NDUFA10: variants seen among roughly 807,000 people sequenced by gnomAD.
NDUFA10 encodes NADH dehydrogenase [ubiquinone] 1 alpha subcomplex subunit 10, mitochondrial.
A neutral mutation model predicts 47.8 loss-of-function variants in NDUFA10; 40 were observed. The ratio of observed to expected loss-of-function variants is 0.84; its 90% CI spans 0.65 to 1.09. NDUFA10 has a LOEUF of 1.09. Among genes scored for constraint, NDUFA10 ranks in the 50% least tolerant of loss-of-function variants. NDUFA10 has a pLI of 0.00. For missense variants in NDUFA10, 413 were observed against 451.1 expected, an observed-to-expected ratio of 0.92 and a Z score of 0.76; for synonymous variants, 183 against 172.2, an observed-to-expected ratio of 1.06 and a Z score of -0.49.
chr2:239,968,286 G>A (rs1695165632), intron 9 of NDUFA10, among the ~76,000 whole-genome samples: 1 of 152,208 alleles, frequency 6.6e-6, no homozygotes, highest in Admixed American at 6.5e-5. Context: ...GGAGGAGGCA[G>A]CAAATGCACG....
chr2:239,929,817 T>C (rs1320455348), intron 4 of NDUFA10, among the ~76,000 whole-genome samples: 1 of 123,126 alleles, frequency 8.1e-6, no homozygotes, highest in African/African-American at 3.2e-5. Flanking sequence ...GCTCCTCCAC[T>C]GCTCTTGCTC....
chr2:239,959,219 C>A lies in NDUFA10; in HGVS notation c.*1899G>T, dbSNP rs1162071659. 4 of 949,038 alleles carry A rather than the reference C, an allele frequency of 4.2e-6. No homozygotes were observed. Among genetic ancestry groups the A allele is most frequent in the Non-Finnish European group, 4.9e-6 (4 of 809,106 alleles). The allele number at this position is 949,038 out of a possible 1,614,324, so 58.8% of individuals were successfully genotyped here. A position where few individuals can be genotyped will look rare whatever the true frequency, so the allele number is the denominator to read the frequency against. ...ACGCAAACACAGGGGATGATCAGAG[C>A]ACCCGAGTCCACACCATGCCGACAC... On this transcript the variant is annotated 3_prime_UTR_variant, in exon 10 of 10. Transcript: ENST00000252711.
At chr2:239,938,003 A>G (rs548017541) in intron 4 of NDUFA10, among the ~76,000 whole-genome samples, 1 of 151,950 alleles carries the variant, frequency 6.6e-6, no homozygotes, top group African/African-American at 2.4e-5. Context: ...AGCCGCAAAT[A>G]CTCACTGCTG....
In NDUFA10 at chr2:239,960,480, T is replaced by A; in HGVS notation, c.*638A>T. On this transcript the variant is annotated 3_prime_UTR_variant, in exon 10 of 10. Transcript: ENST00000252711. Reference sequence around the variant, plus strand: ...CGCTGAGGACGGCCACGTGAATCTTTCTCAACGTCTCTCTTAAAACATATT... The same window carrying A: ...CGCTGAGGACGGCCACGTGAATCTTACTCAACGTCTCTCTTAAAACATATT... The A allele has an allele frequency of 1.0e-6, 1 of 990,550 alleles. No homozygotes were observed. Among genetic ancestry groups the A allele is most frequent in the South Asian group, 4.6e-5 (1 of 21,796 alleles). 61.4% of individuals were successfully genotyped at this position (990,550 alleles called of 1,614,324 possible).
At chr2:239,952,153 G>A (rs771695244) in intron 4 of NDUFA10, among the ~76,000 whole-genome samples, 3 of 152,026 alleles carry the variant, frequency 2.0e-5, no homozygotes, top group Admixed American at 6.5e-5. Flanking sequence ...GCCTGGCTGC[G>A]TCCTGGAATG....
intron 8 of NDUFA10, among the ~76,000 whole-genome samples, chr2:239,997,188 G>C (rs1413217916): frequency 6.6e-6 from 1 of 152,010 alleles, no homozygotes; most frequent in Non-Finnish European, 1.5e-5. Context: ...AAGTCAATAA[G>C]CTTAGGAATC....
chr2:239,926,194 A>G (rs1028207790), intron 4 of NDUFA10, among the ~76,000 whole-genome samples: 4 of 152,254 alleles, frequency 2.6e-5, no homozygotes, highest in African/African-American at 9.6e-5. Context: ...TTGTATATCA[A>G]TGTTCATAGC....
intron 9 of NDUFA10, chr2:239,983,757 T>C: frequency 3.9e-6 from 6 of 1,541,146 alleles, no homozygotes; most frequent in Non-Finnish European, 5.3e-6. Context: ...AGGGAGAGTC[T>C]ACAAAATACC....
intron 9 of NDUFA10, chr2:239,982,358 T>C (rs1191633519): frequency 2.4e-5 from 30 of 1,239,424 alleles, no homozygotes; most frequent in Non-Finnish European, 3.3e-5. Flanking sequence ...GTCTTGATTG[T>C]ATTTACTGTT....
chr2:240,002,896 C>G (rs1414636241), intron 8 of NDUFA10, among the ~76,000 whole-genome samples: 1 of 152,124 alleles, frequency 6.6e-6, no homozygotes, highest in Admixed American at 6.5e-5. Flanking sequence ...GTCGCCCAAG[C>G]TGGAGTACCG....
chr2:239,968,691 G>A (rs932334358), intron 9 of NDUFA10, among the ~76,000 whole-genome samples: 1 of 152,186 alleles, frequency 6.6e-6, no homozygotes, highest in Non-Finnish European at 1.5e-5. Flanking sequence ...GGACCCACTC[G>A]GTCTCTGGCT....
intron 9 of NDUFA10, among the ~76,000 whole-genome samples, chr2:239,961,509 G>A (rs1194334751): frequency 6.6e-6 from 1 of 152,192 alleles, no homozygotes; most frequent in Non-Finnish European, 1.5e-5. Context: ...TGGCACTTAG[G>A]GGAGGCCCTG....
chr2:239,986,143 T>C (rs1252817863), intron 9 of NDUFA10, among the ~76,000 whole-genome samples: 2 of 152,074 alleles, frequency 1.3e-5, no homozygotes, highest in African/African-American at 2.4e-5. Flanking sequence ...GGAACTACCA[T>C]TAGAAACACA....
rs1697655655 is a variant in NDUFA10, at chr2:240,022,286, G to A, written c.130C>T (p.Leu44=). ...CTTTTGCTTGCTTTATCCCCAAGTA[G>A]GAAATGCCACATTCCATAGCGCAGT... ...CKLRYGMWHF[L]LGDKASKRLT... Residue 44 remains leucine, a synonymous_variant, in exon 2 of 10, where the codon CTA becomes TTA. Coordinates refer to ENST00000252711, the MANE Select transcript of NDUFA10 (RefSeq NM_004544.4). The A allele has an allele frequency of 6.2e-6, 10 of 1,613,952 alleles. No individual in the cohort carries two copies. The highest frequency in any genetic ancestry group is 8.5e-6 in the Non-Finnish European group (10 of 1,180,016).
intron 4 of NDUFA10, among the ~76,000 whole-genome samples, chr2:239,899,361 A>G (rs72999721): frequency 0.015 from 325 of 21,822 alleles, 15 homozygotes; most frequent in African/African-American, 0.034. Context: ...GTGATGGAGG[A>G]GTGTGATGGA....
At position 239,990,151 on chromosome 2, in the gene NDUFA10, T is replaced by C. The variant is rs769063751; in HGVS notation, c.922A>G (p.Thr308Ala). Residue 308 changes from threonine to alanine, a missense_variant, in exon 9 of 10, where the codon ACA becomes GCA. Physicochemically the swap from Thr to Ala is moderately conservative, Grantham distance 58. Transcript: ENST00000252711. ...TCCGGGAGAAAGATAGGAATGCTTGTGTAATTCAGCACCTCAAACTTATCC... is the reference window on the plus strand; with the variant it reads ...TCCGGGAGAAAGATAGGAATGCTTGCGTAATTCAGCACCTCAAACTTATCC... ...VQDKFEVLNY[T>A]SIPIFLPEVT... The C allele has an allele frequency of 6.2e-7, 1 of 1,613,932 alleles. No individual in the cohort carries two copies. The highest frequency in any genetic ancestry group is 8.5e-7 in the Non-Finnish European group (1 of 1,179,836).
At chr2:240,015,248 G>A (rs1324140975) in intron 4 of NDUFA10, among the ~76,000 whole-genome samples, 1 of 152,238 alleles carries the variant, frequency 6.6e-6, no homozygotes, top group Non-Finnish European at 1.5e-5. Context: ...ACATTTAAGG[G>A]TTCACTTTTG....
At chr2:240,002,055 C>T (rs1048435179) in intron 8 of NDUFA10, among the ~76,000 whole-genome samples, 1 of 152,094 alleles carries the variant, frequency 6.6e-6, no homozygotes, top group South Asian at 2.1e-4. Flanking sequence ...GGAAGGCCGG[C>T]GCAGTGGCTC....
rs1004237130 is a variant in NDUFA10 at position 239,928,256 on chromosome 2, A to G, written c.295-32942T>C. On this transcript the variant is annotated intron_variant, in intron 4 of 5. Coordinates refer to the NDUFA10 transcript ENST00000419408. The surrounding 1 kb of genome is among the most constrained non-coding windows in gnomAD (Gnocchi z 4.3). Reference sequence around the variant, plus strand: ...GCCACTTTGAAGGCATAATTGTTCCATAACAGAAGAAAATGTATACCTCAA... The same window carrying G: ...GCCACTTTGAAGGCATAATTGTTCCGTAACAGAAGAAAATGTATACCTCAA... Among the ~76,000 whole-genome samples the G allele has an allele frequency of 7.2e-5, 11 of 152,254 alleles. No homozygotes were observed. Among genetic ancestry groups the G allele is most frequent in the African/African-American group, 2.7e-4 (11 of 41,466 alleles).
Sources: allele counts gnomAD v4.1 joint callset (sites outside exome capture counted in the v4.1 genomes callset), GRCh38; gene constraint gnomAD v4.1.1; non-coding constraint Gnocchi (gnomAD v3.1); transcripts MANE v1.5; gene names NCBI Gene and HGNC (gene_info 2026-07-23, HGNC 2026-07-21).